Variants in PMFBP1 observed in about 807,000 individuals in gnomAD.
PMFBP1 encodes the protein polyamine-modulated factor 1-binding protein 1.
In PMFBP1, 131 loss-of-function variants were observed where a neutral mutation model predicts 137.8. That is an observed-to-expected ratio of 0.95 (90% CI 0.82 to 1.10). The LOEUF is 1.10. PMFBP1 is among the 50% of genes least tolerant of loss of function. PMFBP1 has a pLI of 0.00. For synonymous variants in PMFBP1, 490 were observed against 450.4 expected (o/e 1.09, Z -1.11); for missense variants, 1,199 against 1,175.4 (o/e 1.02, Z -0.29).
the PMFBP1 span, among the ~76,000 whole-genome samples, chr16:72,203,439 C>T: frequency 7.2e-5 from 11 of 152,304 alleles, no homozygotes; most frequent in East Asian, 5.8e-4. Context: ...TTGTTTTCCA[C>T]GTTCTTTTCT....
the PMFBP1 span, among the ~76,000 whole-genome samples, chr16:72,199,569 G>T: frequency 1.3e-5 from 2 of 149,798 alleles, no homozygotes; most frequent in African/African-American, 4.9e-5. Context: ...CAGGAGAATC[G>T]CTTGAACCTG....
chr16:72,135,910 A>C (rs1021547541), intron 9 of PMFBP1, among the ~76,000 whole-genome samples: 2 of 150,858 alleles, frequency 1.3e-5, no homozygotes, highest in African/African-American at 4.9e-5. Flanking sequence ...GCACACCACC[A>C]TGCCCAGATA....
At chr16:72,223,826 A>C in the PMFBP1 span, among the ~76,000 whole-genome samples, 1 of 152,232 alleles carries the variant, frequency 6.6e-6, no homozygotes, top group Non-Finnish European at 1.5e-5. Flanking sequence ...GGAATATAAT[A>C]CATGAAGAGA....
chr16:72,135,740 G>GTTTT lies in PMFBP1; in HGVS notation c.1203+704_1203+707dup, dbSNP rs869189990. On this transcript the variant is annotated intron_variant, in intron 9 of 20. Transcript: ENST00000237353. ...TTCATAAGATATTTTTAATTTTTCT[G>GTTTT]TTTTTTTTTTTTTTTTTTTTTTTTG... is the stretch of plus-strand genomic sequence containing the variant. Among the ~76,000 whole-genome samples, 215 of 66,828 alleles carry GTTTT rather than the reference G, an allele frequency of 3.2e-3. 10 individuals carry two copies. The highest frequency in any genetic ancestry group is 9.2e-3 in the African/African-American group (142 of 15,432). The allele number at this position is 66,828 out of a possible 152,430, so 43.8% of individuals were successfully genotyped here. A position where few individuals can be genotyped will look rare whatever the true frequency, so the allele number is the denominator to read the frequency against.
upstream of PMFBP1, among the ~76,000 whole-genome samples, chr16:72,178,614 T>G (rs889511017): frequency 1.3e-5 from 2 of 152,248 alleles, no homozygotes; most frequent in African/African-American, 4.8e-5. Flanking sequence ...TTATATGGGC[T>G]ATAATCTAAT....
chr16:72,248,367 T>G, the PMFBP1 span, among the ~76,000 whole-genome samples: 7 of 152,212 alleles, frequency 4.6e-5, no homozygotes, highest in Non-Finnish European at 7.3e-5. Flanking sequence ...AGCTGTCGCT[T>G]AAACTTACAA....
the PMFBP1 span, among the ~76,000 whole-genome samples, chr16:72,219,624 C>T: frequency 1.3e-5 from 2 of 151,962 alleles, no homozygotes; most frequent in Non-Finnish European, 2.9e-5. Flanking sequence ...AATGCTGAGC[C>T]GGATAGGTCA....
intron 10 of PMFBP1, among the ~76,000 whole-genome samples, chr16:72,131,999 CCAT>C (rs2042556492): frequency 6.6e-6 from 1 of 152,122 alleles, no homozygotes; most frequent in East Asian, 1.9e-4. Context: ...GTGCCCACCA[CCAT>C]GCCTGGCTAA....
At position 72,131,793 on chromosome 16, in the gene PMFBP1, T is replaced by A. The variant is rs962222586; in HGVS notation, c.1447+955A>T. On this transcript the variant is annotated intron_variant, in intron 10 of 20. Coordinates refer to ENST00000237353, the MANE Select transcript of PMFBP1 (RefSeq NM_031293.3). ...AGGAGGGTGAGGAAGGAAGCCAAGC[T>A]TGGATCTTATCTTATAAATTGATAA... Among the ~76,000 whole-genome samples, 11 of 152,328 alleles carry A rather than the reference T, an allele frequency of 7.2e-5. No homozygotes were observed. In the East Asian group the frequency reaches 1.9e-3, roughly 27 times the overall value.
At chr16:72,163,001 A>C (rs2043086895) in intron 3 of PMFBP1, among the ~76,000 whole-genome samples, 1 of 152,260 alleles carries the variant, frequency 6.6e-6, no homozygotes, top group African/African-American at 2.4e-5. Flanking sequence ...TAGTATTTCT[A>C]GGACATTGCA....
At chr16:72,167,561 T>C (rs2043163088) in intron 2 of PMFBP1, among the ~76,000 whole-genome samples, 1 of 152,198 alleles carries the variant, frequency 6.6e-6, no homozygotes, top group African/African-American at 2.4e-5. Context: ...ACAAAATCCT[T>C]AACTCGATGA....
chr16:72,247,220 G>A, the PMFBP1 span, among the ~76,000 whole-genome samples: 1 of 152,176 alleles, frequency 6.6e-6, no homozygotes, highest in Non-Finnish European at 1.5e-5. Flanking sequence ...ATTTTATAAG[G>A]TGGCATGTAG....
the PMFBP1 span, among the ~76,000 whole-genome samples, chr16:72,196,103 C>A: frequency 6.6e-6 from 1 of 151,266 alleles, no homozygotes; most frequent in East Asian, 2.0e-4. Flanking sequence ...AGAAACTAAC[C>A]CTGGTTGCTC....
intron 4 of PMFBP1, among the ~76,000 whole-genome samples, chr16:72,153,303 TAA>T (rs1419889208): frequency 6.6e-6 from 1 of 152,230 alleles, no homozygotes; most frequent in Non-Finnish European, 1.5e-5. Flanking sequence ...ATTCCCTTTT[TAA>T]AAAGTCTATG....
At position 72,164,911 on chromosome 16, in the gene PMFBP1, C is replaced by T. The variant is rs186850502; in HGVS notation, c.18G>A (p.Gly6=). Residue 6 remains glycine (G), a synonymous_variant, in exon 3 of 21, where the codon GGG becomes GGA. Transcript: ENST00000237353. The part of the protein sequence containing the change: MKDEA[G]ERDREVSSLN... ...GGCTGCTCACTTCTCTGTCTCTCTC[C>T]CCCGCCTAGGCAGCCAGAAAAACAA... 115 of 1,585,378 alleles carry T rather than the reference C, an allele frequency of 7.3e-5. 1 individual carries two copies. In the Admixed American group the frequency reaches 1.9e-3, roughly 27 times the overall value.
chr16:72,136,103 G>C (rs1266175120), intron 9 of PMFBP1, among the ~76,000 whole-genome samples: 1 of 151,950 alleles, frequency 6.6e-6, no homozygotes, highest in African/African-American at 2.4e-5. Flanking sequence ...TCTTAGTAAG[G>C]CTACCTGTTA....
chr16:72,166,304 G>A (rs894270204), intron 2 of PMFBP1, among the ~76,000 whole-genome samples: 2 of 152,038 alleles, frequency 1.3e-5, no homozygotes, highest in African/African-American at 2.4e-5. Flanking sequence ...TAAAAGTGTG[G>A]CACTTCCCCT....
the PMFBP1 span, among the ~76,000 whole-genome samples, chr16:72,234,873 C>T: frequency 1.3e-5 from 2 of 152,218 alleles, no homozygotes; most frequent in East Asian, 1.9e-4. Flanking sequence ...GTCCTTTGCC[C>T]ATTTAAAAAT....
the PMFBP1 span, among the ~76,000 whole-genome samples, chr16:72,234,949 T>A: frequency 6.6e-6 from 1 of 152,214 alleles, no homozygotes; most frequent in Non-Finnish European, 1.5e-5. Context: ...ACAAGTTATT[T>A]ATCAGATAGA....
Sources: gnomAD v4.1 joint callset for allele counts (sites outside exome capture counted in the v4.1 genomes callset) on GRCh38, gnomAD v4.1.1 for gene constraint, MANE v1.5 for transcripts, NCBI Gene and HGNC (gene_info 2026-07-23, HGNC 2026-07-21) for gene names.